Variants in CHTOP observed in about 807,000 individuals in gnomAD.
CHTOP encodes the protein chromatin target of PRMT1 protein.
Under a neutral mutation model 33.6 loss-of-function variants are expected in CHTOP, and 18 were observed. The observed-to-expected ratio is 0.54, with a 90% CI of 0.37 to 0.80. The LOEUF (loss-of-function observed/expected upper bound fraction) is 0.80, where lower values mean the gene tolerates loss of function less well. Ranked by LOEUF, CHTOP falls within the 30% of genes least tolerant of loss-of-function variation. The pLI is 0.00. For synonymous variants in CHTOP, 117 were observed against 127.7 expected (o/e 0.92, Z 0.56); for missense variants, 263 against 336.8 (o/e 0.78, Z 1.71).
chr1:153,638,676 T>A, intron 3 of CHTOP: 1 of 581,662 alleles, frequency 1.7e-6, no homozygotes, highest in South Asian at 2.0e-5. Flanking sequence ...GGCCTGTTTC[T>A]GTTACCAATG....
intron 3 of CHTOP, among the ~76,000 whole-genome samples, chr1:153,640,131 A>G (rs778484095): frequency 8.5e-5 from 13 of 152,216 alleles, no homozygotes; most frequent in Non-Finnish European, 1.6e-4. Context: ...AGTAGCCACT[A>G]GTCACATGTG....
At chr1:153,634,907 G>T (rs952384262) in intron 1 of CHTOP, among the ~76,000 whole-genome samples, 2 of 151,378 alleles carry the variant, frequency 1.3e-5, no homozygotes, top group Non-Finnish European at 2.9e-5. Context: ...AGGCTGGAGT[G>T]CAATGGCACG....
In CHTOP at chr1:153,634,329, C is replaced by T. The variant is rs1339049269; in HGVS notation, c.-32C>T. The T allele has an allele frequency of 2.6e-5, 4 of 152,876 alleles. No individual in the cohort carries two copies. The highest frequency in any genetic ancestry group is 4.4e-5 in the Non-Finnish European group (3 of 68,206). The allele number at this position is 152,876 out of a possible 1,614,324, so 9.5% of individuals were successfully genotyped here. A position where few individuals can be genotyped will look rare whatever the true frequency, so the allele number is the denominator to read the frequency against. On this transcript the variant is annotated 5_prime_UTR_variant, in exon 1 of 6. Transcript: ENST00000368694. The stretch of plus-strand genomic sequence containing the variant: ...GTGGCAGCCCCGGGAGGAGCACTGG[C>T]GTCTGTTTCCTTCGGTGAGTTTCGG...
intron 2 of CHTOP, chr1:153,637,239 A>G (rs1055995345): frequency 3.3e-5 from 5 of 152,260 alleles, no homozygotes; most frequent in African/African-American, 1.2e-4. Context: ...CTCATAAATG[A>G]TCAAACTGAT....
chr1:153,644,914 T>C (rs1015684862), intron 5 of CHTOP, 150 bp from the exon 6 acceptor site: 1 of 641,504 alleles, frequency 1.6e-6, no homozygotes, highest in African/African-American at 1.8e-5. Flanking sequence ...TTCTACCCAT[T>C]GTGTTTCCTT....
At position 153,645,306 on chromosome 1, in the gene CHTOP, C is replaced by T; in HGVS notation, c.*37C>T. ...CCTCCCATGAGAGACTCTTGTTAGT[C>T]AACACATCTGTAAATAACCTTGAGA... On this transcript the variant is annotated 3_prime_UTR_variant, in exon 6 of 6. Transcript: ENST00000368694. The T allele has an allele frequency of 6.3e-6, 10 of 1,590,916 alleles. No homozygotes were observed. Among genetic ancestry groups the T allele is most frequent in the Non-Finnish European group, 8.6e-6 (10 of 1,160,802 alleles).
At chr1:153,636,437 A>G in intron 1 of CHTOP, 135 bp from the exon 2 acceptor site, 2 of 541,354 alleles carry the variant, frequency 3.7e-6, no homozygotes, top group Non-Finnish European at 6.5e-6. Flanking sequence ...AAATTTAAGC[A>G]CTTGAAATGT....
At chr1:153,638,660 C>T (rs1668500161) in intron 3 of CHTOP, 2 of 592,898 alleles carry the variant, frequency 3.4e-6, no homozygotes, top group Middle Eastern at 4.4e-4. Flanking sequence ...AGTTTGCCAT[C>T]TATGTGGCCT....
intron 1 of CHTOP, 188 bp downstream of exon 1, chr1:153,634,531 A>G (rs1040909969): frequency 3.3e-5 from 5 of 152,872 alleles, no homozygotes; most frequent in Admixed American, 6.5e-5. Flanking sequence ...TGGTGGCGGG[A>G]TTGATGGAGG....
chr1:153,636,105 T>TC (rs1186013111), intron 1 of CHTOP, among the ~76,000 whole-genome samples: 1 of 134,916 alleles, frequency 7.4e-6, no homozygotes, highest in Admixed American at 7.7e-5. Flanking sequence ...TTTTTTTTTT[T>TC]CTTAGTAGAG....
At chr1:153,639,683 T>G (rs757213186) in intron 3 of CHTOP, among the ~76,000 whole-genome samples, 1 of 152,212 alleles carries the variant, frequency 6.6e-6, no homozygotes, top group Non-Finnish European at 1.5e-5. Context: ...CTCTGACAGA[T>G]CATTCCAAAG....
Position 153,634,146 on chromosome 1 carries a change from A to C in CHTOP, c.-215A>C, listed in dbSNP as rs1668208057. 1 of 152,932 alleles carries C rather than the reference A, an allele frequency of 6.5e-6. No individual in the cohort carries two copies. Among genetic ancestry groups the C allele is most frequent in the Non-Finnish European group, 1.5e-5 (1 of 68,224 alleles). The allele number at this position is 152,932 out of a possible 1,614,324, so 9.5% of individuals were successfully genotyped here. On this transcript the variant is annotated 5_prime_UTR_variant, in exon 1 of 6. Transcript: ENST00000368694. ...AAGGCAGGAAAGGGCAGGCCGGGTG[A>C]GCAGACGGATCGGCCGACTAGACAG...
chr1:153,638,663 T>C, intron 3 of CHTOP: 1 of 593,452 alleles, frequency 1.7e-6, no homozygotes, highest in Non-Finnish European at 3.1e-6. Flanking sequence ...TTGCCATCTA[T>C]GTGGCCTGTT....
chr1:153,644,922 C>CT, intron 5 of CHTOP, 142 bp from the exon 6 acceptor site: 1 of 685,754 alleles, frequency 1.5e-6, no homozygotes, highest in South Asian at 2.0e-5. Flanking sequence ...ATTGTGTTTC[C>CT]TTTTTTTCCA....
At chr1:153,635,968 C>T (rs1668376503) in intron 1 of CHTOP, among the ~76,000 whole-genome samples, 1 of 151,972 alleles carries the variant, frequency 6.6e-6, no homozygotes, top group African/African-American at 2.4e-5. Context: ...GGTCTCAGGC[C>T]AGAGTGCAGT....
intron 1 of CHTOP, among the ~76,000 whole-genome samples, chr1:153,636,088 A>ATTTTTTTTTT (rs71093280): frequency 7.2e-6 from 1 of 138,696 alleles, no homozygotes; most frequent in African/African-American, 2.7e-5. Flanking sequence ...TGCACCGCTA[A>ATTTTTTTTTT]TTTTTTTTTT....
intron 1 of CHTOP, among the ~76,000 whole-genome samples, chr1:153,635,011 G>C (rs1163065934): frequency 6.6e-6 from 1 of 151,884 alleles, no homozygotes; most frequent in East Asian, 1.9e-4. Flanking sequence ...GCGCCACCAC[G>C]CCCGGCTAAT....
At chr1:153,642,763 A>C (rs1250880014) in intron 4 of CHTOP, 1 of 230,216 alleles carries the variant, frequency 4.3e-6, no homozygotes, top group African/African-American at 2.3e-5. Flanking sequence ...CTTTTGGCCT[A>C]TATCTCTTTG....
chr1:153,642,174 G>T, intron 3 of CHTOP, 72 bp from the exon 4 acceptor site: 1 of 1,321,260 alleles, frequency 7.6e-7, no homozygotes, highest in South Asian at 1.4e-5. Context: ...CTTTTTCTCT[G>T]CACTTTGAGT....
Sources: gnomAD v4.1 joint callset for allele counts (sites outside exome capture counted in the v4.1 genomes callset) on GRCh38, gnomAD v4.1.1 for gene constraint, MANE v1.5 for transcripts, NCBI Gene and HGNC (gene_info 2026-07-23, HGNC 2026-07-21) for gene names.